Variants in CNTN5 observed in about 807,000 individuals in gnomAD.
The protein encoded by CNTN5 is contactin 5.
A neutral mutation model predicts 129.1 loss-of-function variants in CNTN5; 77 were observed. The observed-to-expected ratio is 0.60, with a 90% confidence interval of 0.50 to 0.72. The LOEUF (loss-of-function observed/expected upper bound fraction) is 0.72. CNTN5 is among the 30% of genes least tolerant of loss of function. CNTN5 has a pLI of 0.00. For synonymous variants in CNTN5, 509 were observed against 465.6 expected (o/e 1.09, Z -1.20); for missense variants, 1,478 against 1,328.8 (o/e 1.11, Z -1.75).
intron 2 of CNTN5, among the ~76,000 whole-genome samples, chr11:99,535,950 T>C (rs147892013): frequency 5.3e-5 from 8 of 152,280 alleles, no homozygotes; most frequent in African/African-American, 1.9e-4. Context: ...TAGTTTTGTT[T>C]TGAATATTGA....
chr11:99,039,768 A>G (rs891821072), intron 1 of CNTN5, among the ~76,000 whole-genome samples: 1 of 152,150 alleles, frequency 6.6e-6, no homozygotes, highest in Admixed American at 6.6e-5. Context: ...CTTAGCTTGT[A>G]TGGCCCTTGT....
chr11:99,440,605 G>A (rs1022867658), intron 2 of CNTN5, among the ~76,000 whole-genome samples: 3 of 152,110 alleles, frequency 2.0e-5, no homozygotes, highest in Admixed American at 2.0e-4. Context: ...TTGGACTTTG[G>A]TTCTCTGATG....
intron 4 of CNTN5, among the ~76,000 whole-genome samples, chr11:99,826,451 C>A (rs1946961633): frequency 6.6e-6 from 1 of 152,122 alleles, no homozygotes; most frequent in Non-Finnish European, 1.5e-5. Context: ...TACGTACACA[C>A]AAAAGGCATC....
At chr11:99,613,298 G>T (rs1220138961) in intron 3 of CNTN5, among the ~76,000 whole-genome samples, 1 of 152,124 alleles carries the variant, frequency 6.6e-6, no homozygotes, top group Non-Finnish European at 1.5e-5. Context: ...GAGATCTGAT[G>T]GTTTTATAAG....
At chr11:99,840,830 G>C (rs538906837) in intron 4 of CNTN5, among the ~76,000 whole-genome samples, 1 of 152,112 alleles carries the variant, frequency 6.6e-6, no homozygotes, top group Non-Finnish European at 1.5e-5. Context: ...ATTCCATCAA[G>C]CAAAAGAGTG....
chr11:99,964,130 T>A (rs1340871988), intron 8 of CNTN5, among the ~76,000 whole-genome samples: 1 of 152,180 alleles, frequency 6.6e-6, no homozygotes, highest in Non-Finnish European at 1.5e-5. Context: ...AATTCCTCTT[T>A]TCCTAATTGA....
At chr11:99,716,424 T>C (rs2082904697) in intron 3 of CNTN5, among the ~76,000 whole-genome samples, 1 of 152,048 alleles carries the variant, frequency 6.6e-6, no homozygotes, top group Admixed American at 6.6e-5. Flanking sequence ...CTGCTACTCC[T>C]CAGTATCCTG....
At chr11:99,494,138 G>T (rs777217477) in intron 2 of CNTN5, among the ~76,000 whole-genome samples, 1 of 151,992 alleles carries the variant, frequency 6.6e-6, no homozygotes, top group Non-Finnish European at 1.5e-5. Context: ...CAGAGCTTTC[G>T]AATTCTCCCC....
intron 10 of CNTN5, among the ~76,000 whole-genome samples, chr11:100,068,262 A>G (rs538650549): frequency 6.6e-6 from 1 of 152,296 alleles, no homozygotes; most frequent in Non-Finnish European, 1.5e-5. Flanking sequence ...TAAGTCAGCA[A>G]CAGAAGAGAG....
At position 99,873,987 on chromosome 11, in the gene CNTN5, C is replaced by T. The variant is rs552603927; in HGVS notation, c.577+28725C>T. Among the ~76,000 whole-genome samples, 24 of 152,122 alleles carry T rather than the reference C, an allele frequency of 1.6e-4. No homozygotes were observed. The South Asian group carries it at 4.4e-3, about 28-fold the overall frequency. On this transcript the variant is annotated intron_variant, in intron 6 of 24. Coordinates refer to ENST00000524871, the MANE Select transcript of CNTN5 (RefSeq NM_014361.4). ...TAGCAAATCAAATATTGCACATTCTCACTTATAAGTGGGAGCTAAACAATG... is the reference window on the plus strand; with the variant it reads ...TAGCAAATCAAATATTGCACATTCTTACTTATAAGTGGGAGCTAAACAATG...
chr11:99,454,467 C>T (rs540677750), intron 2 of CNTN5, among the ~76,000 whole-genome samples: 1 of 152,188 alleles, frequency 6.6e-6, no homozygotes, highest in East Asian at 1.9e-4. Context: ...TCTCTTCCTC[C>T]TTCGCTCGGC....
chr11:99,165,536 A>T (rs911231683), intron 1 of CNTN5, among the ~76,000 whole-genome samples: 7 of 152,146 alleles, frequency 4.6e-5, no homozygotes, highest in Admixed American at 3.9e-4. Context: ...TTAAATGAAC[A>T]TTTATTTTTG....
chr11:99,967,496 C>T (rs973665876), intron 8 of CNTN5, among the ~76,000 whole-genome samples: 12 of 152,214 alleles, frequency 7.9e-5, no homozygotes, highest in Non-Finnish European at 1.3e-4. Flanking sequence ...TCTGTAACCG[C>T]GCACTCTGGG....
chr11:99,656,764 A>G (rs142786974), intron 3 of CNTN5, among the ~76,000 whole-genome samples: 6 of 152,224 alleles, frequency 3.9e-5, no homozygotes, highest in East Asian at 1.9e-4. Context: ...AGATCAGCAA[A>G]TGACCACAGT....
intron 13 of CNTN5, among the ~76,000 whole-genome samples, chr11:100,148,494 C>T (rs754929446): frequency 6.6e-6 from 1 of 151,900 alleles, no homozygotes; most frequent in African/African-American, 2.4e-5. Context: ...AGGGCACTCA[C>T]TGTTCAAAAT....
At chr11:99,970,864 C>G (rs1189133674) in intron 8 of CNTN5, among the ~76,000 whole-genome samples, 1 of 152,046 alleles carries the variant, frequency 6.6e-6, no homozygotes, top group Non-Finnish European at 1.5e-5. Context: ...CATTACTTGC[C>G]TTCAATAGTT....
intron 21 of CNTN5, among the ~76,000 whole-genome samples, chr11:100,315,160 C>T (rs1298069763): frequency 6.6e-6 from 1 of 152,152 alleles, no homozygotes; most frequent in Non-Finnish European, 1.5e-5. Flanking sequence ...TCCTGCAGAA[C>T]AGCAGTAAGG....
At chr11:99,203,365 C>T (rs1345945160) in intron 1 of CNTN5, among the ~76,000 whole-genome samples, 1 of 152,038 alleles carries the variant, frequency 6.6e-6, no homozygotes, top group Non-Finnish European at 1.5e-5. Flanking sequence ...ACTAGTTTCA[C>T]TTTGGGGAAG....
At chr11:99,111,155 C>T (rs1236808700) in intron 1 of CNTN5, among the ~76,000 whole-genome samples, 1 of 152,046 alleles carries the variant, frequency 6.6e-6, no homozygotes, top group Non-Finnish European at 1.5e-5. Flanking sequence ...TCAATAATTT[C>T]AATATGGTGA....
Sources: gnomAD v4.1 joint callset for allele counts (sites outside exome capture counted in the v4.1 genomes callset) on GRCh38, gnomAD v4.1.1 for gene constraint, MANE v1.5 for transcripts, NCBI Gene and HGNC (gene_info 2026-07-23, HGNC 2026-07-21) for gene names.